CPT1A: variants seen among roughly 807,000 people sequenced by gnomAD.
CPT1A encodes the protein carnitine palmitoyltransferase 1A.
CPT1A carries 64 observed loss-of-function variants against 100.8 expected under a neutral mutation model. The ratio of observed to expected loss-of-function variants is 0.63; its 90% confidence interval spans 0.52 to 0.78. The LOEUF is 0.78. CPT1A is among the 30% of genes least tolerant of loss of function. The pLI, the probability that CPT1A is intolerant of heterozygous loss-of-function variation, is 0.00. For synonymous variants in CPT1A, 363 were observed against 396.0 expected (o/e 0.92, Z 0.99); for missense variants, 802 against 1,034.1 (o/e 0.78, Z 3.08).
rs2153996790 is a variant in CPT1A at position 68,773,391 on chromosome 11, A to G, written c.1614T>C (p.Asn538=). The G allele has an allele frequency of 6.2e-7, 1 of 1,614,128 alleles. No individual in the cohort carries two copies. The highest frequency in any genetic ancestry group is 8.5e-7 in the Non-Finnish European group (1 of 1,180,016). ...EVIETSLNTA[N]LLANDVDFHS... is the part of the protein sequence containing the mutation. ...GGAAATCCACGTCGTTTGCCAGAAG[A>G]TTTGCGGTGTTCAGGGAGGTCTCTA... The change falls in exon 14 of 19, where the codon AAT becomes AAC. Residue 538 remains asparagine (N), a synonymous_variant. Coordinates refer to ENST00000265641, the MANE Select transcript of CPT1A (RefSeq NM_001876.4).
At chr11:68,801,636 A>C (rs1855905313) in intron 5 of CPT1A, among the ~76,000 whole-genome samples, 1 of 146,574 alleles carries the variant, frequency 6.8e-6, no homozygotes, top group African/African-American at 2.8e-5. Context: ...TCTGAAAAAA[A>C]AAAAAAAGAG....
intron 5 of CPT1A, among the ~76,000 whole-genome samples, chr11:68,802,594 C>T (rs914679132): frequency 1.2e-4 from 18 of 151,828 alleles, no homozygotes; most frequent in African/African-American, 4.1e-4. Context: ...ATTAGCCAGG[C>T]GTGGTGGCAG....
intron 1 of CPT1A, among the ~76,000 whole-genome samples, chr11:68,834,903 G>A (rs1313552202): frequency 6.6e-6 from 1 of 151,704 alleles, no homozygotes; most frequent in Non-Finnish European, 1.5e-5. Flanking sequence ...GGAGGCTGAG[G>A]CAGGAGAATT....
chr11:68,794,289 T>A (rs11228358), intron 8 of CPT1A, among the ~76,000 whole-genome samples: 1 of 152,098 alleles, frequency 6.6e-6, no homozygotes, highest in Non-Finnish European at 1.5e-5. Flanking sequence ...GAGGGAGAGA[T>A]GACAAAGGGC....
intron 14 of CPT1A, among the ~76,000 whole-genome samples, chr11:68,764,025 C>A (rs1478156479): frequency 6.6e-6 from 1 of 152,148 alleles, no homozygotes; most frequent in Non-Finnish European, 1.5e-5. Context: ...GGAACGTGGG[C>A]ATCTGGGCCT....
chr11:68,769,830 C>T (rs905857294), intron 14 of CPT1A, among the ~76,000 whole-genome samples: 7 of 152,074 alleles, frequency 4.6e-5, no homozygotes, highest in Non-Finnish European at 1.0e-4. Context: ...AGGCGGATCA[C>T]TTGAGGTCAG....
chr11:68,760,549 G>C (rs2153994826), intron 16 of CPT1A, among the ~76,000 whole-genome samples: 1 of 152,258 alleles, frequency 6.6e-6, no homozygotes, highest in East Asian at 1.9e-4. Context: ...GGGAGTGCAG[G>C]GTGGGGGTGG....
rs950326784 is a variant in CPT1A, at chr11:68,841,447, C to A, written c.-14+328G>T. Among the ~76,000 whole-genome samples the A allele has an allele frequency of 4.6e-5, 7 of 150,850 alleles. No homozygotes were observed. The highest frequency in any genetic ancestry group is 1.0e-4 in the Non-Finnish European group (7 of 67,584). ...ACAAGGGAGCCGGTGGCCCCGCTGG[C>A]CCCGGGCCGGAGGCGTCCAGCCAAG... On this transcript the variant is annotated intron_variant, in intron 1 of 18. Transcript: ENST00000265641. This position sits in a 1 kb window ranked among gnomAD's most constrained non-coding sequence, Gnocchi z 6.3.
chr11:68,803,275 A>T (rs1855953701), intron 5 of CPT1A, among the ~76,000 whole-genome samples: 1 of 152,260 alleles, frequency 6.6e-6, no homozygotes, highest in East Asian at 1.9e-4. Flanking sequence ...GACAAATATG[A>T]TATGATGCCA....
In CPT1A at chr11:68,756,488, T is replaced by C. The variant is rs1946696453; in HGVS notation, c.*1156A>G. The C allele has an allele frequency of 6.6e-6, 1 of 152,252 alleles. No homozygotes were observed. The highest frequency in any genetic ancestry group is 2.4e-5 in the African/African-American group (1 of 41,468). 9.4% of individuals were successfully genotyped at this position (152,252 alleles called of 1,614,324 possible). ...TGGTCACCAAGGTGAGCCGGCATAC[T>C]GTCTCCATCACCCTCTGGTGAGTCT... is the stretch of plus-strand genomic sequence containing the variant. On this transcript the variant is annotated 3_prime_UTR_variant, in exon 19 of 19. Coordinates refer to ENST00000265641, the MANE Select transcript of CPT1A (RefSeq NM_001876.4).
intron 1 of CPT1A, among the ~76,000 whole-genome samples, chr11:68,819,854 T>C (rs1856531835): frequency 1.3e-5 from 2 of 152,188 alleles, no homozygotes; most frequent in South Asian, 4.1e-4. Context: ...CTTTGAGCCA[T>C]GAGCAGAAAT....
At chr11:68,829,472 G>A (rs542177755) in intron 1 of CPT1A, among the ~76,000 whole-genome samples, 24 of 152,314 alleles carry the variant, frequency 1.6e-4, no homozygotes, top group African/African-American at 4.8e-4. Context: ...ACAGCAGGGC[G>A]TGCACCTGTG....
chr11:68,803,620 A>G (rs1471353844), intron 5 of CPT1A, among the ~76,000 whole-genome samples: 1 of 152,024 alleles, frequency 6.6e-6, no homozygotes, highest in Admixed American at 6.6e-5. Context: ...CTGGGGCAGG[A>G]GAATCACTTG....
chr11:68,762,793 A>C (rs1854668501), intron 14 of CPT1A, 32 bp from the exon 15 acceptor site: 1 of 1,613,484 alleles, frequency 6.2e-7, no homozygotes. Context: ...AGTGCACGGC[A>C]GGGCATGCTG....
chr11:68,821,639 C>T (rs1856584588), intron 1 of CPT1A, among the ~76,000 whole-genome samples: 1 of 152,278 alleles, frequency 6.6e-6, no homozygotes, highest in Middle Eastern at 3.4e-3. Flanking sequence ...TAATGAATAC[C>T]TTATAAATGC....
chr11:68,759,984 G>A (rs1400022710), intron 17 of CPT1A, among the ~76,000 whole-genome samples: 1 of 152,124 alleles, frequency 6.6e-6, no homozygotes, highest in East Asian at 1.9e-4. Context: ...AGGCTGCCAT[G>A]AGCCATGATC....
chr11:68,784,689 G>A, intron 10 of CPT1A, 126 bp downstream of exon 10: 3 of 936,630 alleles, frequency 3.2e-6, no homozygotes, highest in Non-Finnish European at 4.9e-6. Flanking sequence ...AGACCCCAGA[G>A]AAAAACAGAG....
chr11:68,768,237 G>C (rs1035303078), intron 14 of CPT1A, among the ~76,000 whole-genome samples: 2 of 148,756 alleles, frequency 1.3e-5, no homozygotes, highest in African/African-American at 2.5e-5. Context: ...CACCGCGCCC[G>C]GCTAATTTTT....
rs1407937114 is a variant in CPT1A at position 68,837,478 on chromosome 11, C to T, written c.-14+4297G>A. Among the ~76,000 whole-genome samples the T allele has an allele frequency of 2.0e-5, 3 of 152,310 alleles. No individual in the cohort carries two copies. In the East Asian group the frequency reaches 5.8e-4, roughly 29 times the overall value. Reference sequence around the variant, plus strand: ...GCGAAGCAGACATCACTGCAGAGAGCTAGCAGCTTGCTGTGGGGAGAGAAT... The same window carrying T: ...GCGAAGCAGACATCACTGCAGAGAGTTAGCAGCTTGCTGTGGGGAGAGAAT... On this transcript the variant is annotated intron_variant, in intron 1 of 18. Coordinates refer to ENST00000265641, the MANE Select transcript of CPT1A (RefSeq NM_001876.4).
Sources: gnomAD v4.1 joint callset for allele counts (sites outside exome capture counted in the v4.1 genomes callset) on GRCh38, gnomAD v4.1.1 for gene constraint, Gnocchi (gnomAD v3.1) non-coding constraint, MANE v1.5 for transcripts, NCBI Gene and HGNC (gene_info 2026-07-23, HGNC 2026-07-21) for gene names.